The following MTUS2 variants were observed in gnomAD, a reference collection of about 807,000 sequenced individuals.
MTUS2 encodes the protein microtubule-associated tumor suppressor candidate 2.
A neutral mutation model predicts 114.1 loss-of-function variants in MTUS2; 40 were observed. The observed-to-expected ratio is 0.35, with a 90% CI of 0.27 to 0.46. The LOEUF (loss-of-function observed/expected upper bound fraction) is 0.46. Among genes scored for constraint, MTUS2 ranks in the 20% least tolerant of loss-of-function variants. The pLI is 1.00. For missense variants in MTUS2, 1,679 were observed against 1,705.4 expected (o/e 0.98, Z 0.27); for synonymous variants, 688 against 672.0 (o/e 1.02, Z -0.37).
At chr13:29,074,086 A>G (rs1401758055) in intron 4 of MTUS2, among the ~76,000 whole-genome samples, 1 of 151,982 alleles carries the variant, frequency 6.6e-6, no homozygotes, top group Non-Finnish European at 1.5e-5. Flanking sequence ...TCTCCAGCCC[A>G]TCTTCCACAT....
intron 7 of MTUS2, among the ~76,000 whole-genome samples, chr13:29,344,197 C>G (rs902506308): frequency 2.3e-4 from 35 of 151,346 alleles, no homozygotes; most frequent in Admixed American, 2.2e-3. Context: ...GTCCATTGTG[C>G]CTTTGTTGAC....
At chr13:29,385,056 G>C (rs1872541424) in intron 8 of MTUS2, among the ~76,000 whole-genome samples, 1 of 152,198 alleles carries the variant, frequency 6.6e-6, no homozygotes, top group Non-Finnish European at 1.5e-5. Context: ...CAGCCACTCT[G>C]CTGGGCTCCA....
chr13:29,315,099 T>C (rs754986979), intron 6 of MTUS2, among the ~76,000 whole-genome samples: 1 of 152,198 alleles, frequency 6.6e-6, no homozygotes, highest in Non-Finnish European at 1.5e-5. Flanking sequence ...ATGTTCTCAC[T>C]TATATGTGGA....
rs746176943 is a variant in MTUS2 at position 29,286,668 on chromosome 13, G to GTCTATCTA, written c.2806+4806_2806+4807insATCTATCT. ...TATCTATCTGTCTGTCTGTCTGTCT[G>GTCTATCTA]TCTGTCTATCTATCTATCTATCTAT... On this transcript the variant is annotated intron_variant, in intron 6 of 15. Coordinates refer to ENST00000612955, the MANE Select transcript of MTUS2 (RefSeq NM_001033602.4). Among the ~76,000 whole-genome samples the GTCTATCTA allele has an allele frequency of 1.4e-3, 107 of 79,004 alleles. 1 individual carries two copies. Among genetic ancestry groups the GTCTATCTA allele is most frequent in the East Asian group, 6.6e-3 (11 of 1,662 alleles). 51.8% of individuals were successfully genotyped at this position (79,004 alleles called of 152,430 possible). A position where few individuals can be genotyped will look rare whatever the true frequency, so the allele number is the denominator to read the frequency against.
chr13:28,923,710 T>C (rs182276300), intron 2 of MTUS2, among the ~76,000 whole-genome samples: 127 of 152,288 alleles, frequency 8.3e-4, no homozygotes, highest in African/African-American at 2.8e-3. Context: ...CTTGATGGGA[T>C]AGGGGAGTCT....
At chr13:28,897,180 T>C (rs1879327335) in intron 2 of MTUS2, among the ~76,000 whole-genome samples, 1 of 152,148 alleles carries the variant, frequency 6.6e-6, no homozygotes, top group Non-Finnish European at 1.5e-5. Context: ...ATCCAGAATC[T>C]ACAATGAACT....
At chr13:29,059,921 C>T (rs1366299858) in intron 4 of MTUS2, among the ~76,000 whole-genome samples, 1 of 152,216 alleles carries the variant, frequency 6.6e-6, no homozygotes, top group African/African-American at 2.4e-5. Flanking sequence ...CTGTGCCTGC[C>T]AGCTGAGTTT....
intron 5 of MTUS2, among the ~76,000 whole-genome samples, chr13:29,130,584 T>G (rs772746047): frequency 5.9e-5 from 9 of 152,216 alleles, no homozygotes; most frequent in African/African-American, 1.9e-4. Flanking sequence ...TCTAGCACAC[T>G]TATTCATTAT....
At chr13:29,375,436 AATTACTTACTTTTAAT>A in intron 8 of MTUS2, among the ~76,000 whole-genome samples, 1 of 137,978 alleles carries the variant, frequency 7.2e-6, no homozygotes, top group South Asian at 2.4e-4. Flanking sequence ...CAAAAACCGC[AATTACTTACTTTTAAT>A]GGCAACAACC....
At position 29,503,254 on chromosome 13, in the gene MTUS2, C is replaced by T; in HGVS notation, c.*48C>T. ...GCTCCGGCTTCTCGTCCTCCGGTCT[C>T]CACCCTGAGGGAGCACCGACCCGGT... is the stretch of plus-strand genomic sequence containing the variant. On this transcript the variant is annotated 3_prime_UTR_variant, in exon 16 of 16. Transcript: ENST00000612955. 3.1e-6 allele frequency: 5 copies of T among 1,596,742 alleles called. No individual in the cohort carries two copies. Among genetic ancestry groups the T allele is most frequent in the Non-Finnish European group, 4.3e-6 (5 of 1,169,744 alleles).
At chr13:29,005,738 C>G (rs550733524) in intron 2 of MTUS2, among the ~76,000 whole-genome samples, 2 of 152,296 alleles carry the variant, frequency 1.3e-5, no homozygotes, top group African/African-American at 4.8e-5. Flanking sequence ...GAATATCTTG[C>G]AAACCTGCTT....
chr13:28,895,736 C>T (rs1371767889), intron 2 of MTUS2, among the ~76,000 whole-genome samples: 1 of 152,130 alleles, frequency 6.6e-6, no homozygotes, highest in Non-Finnish European at 1.5e-5. Context: ...CAGTAGCCCT[C>T]CACTGTTGGA....
At chr13:29,231,033 A>G (rs1223783169) in intron 5 of MTUS2, among the ~76,000 whole-genome samples, 1 of 152,176 alleles carries the variant, frequency 6.6e-6, no homozygotes, top group Admixed American at 6.5e-5. Context: ...CATGTTGTAC[A>G]TCTGATCCAT....
intron 4 of MTUS2, among the ~76,000 whole-genome samples, chr13:29,052,788 C>G (rs552663543): frequency 5.9e-5 from 9 of 152,118 alleles, no homozygotes; most frequent in African/African-American, 2.2e-4. Flanking sequence ...GTGCTGTATC[C>G]CCACCCAAAT....
chr13:29,502,042 A>C (rs1882949746), intron 15 of MTUS2, among the ~76,000 whole-genome samples: 1 of 152,188 alleles, frequency 6.6e-6, no homozygotes. Context: ...TCTTGCACAC[A>C]TGCATGAATG....
chr13:28,861,480 C>A (rs1050628965), intron 2 of MTUS2, among the ~76,000 whole-genome samples: 17 of 150,424 alleles, frequency 1.1e-4, no homozygotes, highest in African/African-American at 4.2e-4. Flanking sequence ...TAACATAGCC[C>A]AGGGATTGTC....
chr13:29,134,573 A>G (rs1891896156), intron 5 of MTUS2, among the ~76,000 whole-genome samples: 1 of 152,052 alleles, frequency 6.6e-6, no homozygotes, highest in Non-Finnish European at 1.5e-5. Flanking sequence ...TATAATTGTT[A>G]TATATATCTT....
rs145198394 is a variant in MTUS2 at position 28,982,400 on chromosome 13, A to C, written c.-242-42057A>C. On this transcript the variant is annotated intron_variant, in intron 2 of 15. Transcript: ENST00000612955. ...GATGAGAATGTGGAGAAATGGAAACAGTTGTGCACCATTGGTAGGAATGTA... is the reference window on the plus strand; with the variant it reads ...GATGAGAATGTGGAGAAATGGAAACCGTTGTGCACCATTGGTAGGAATGTA... 9.6e-3 allele frequency among the ~76,000 whole-genome samples: 1,463 copies of C among 152,314 alleles called. 18 individuals are homozygous for C. The highest frequency in any genetic ancestry group is 0.014 in the South Asian group (68 of 4,828).
intron 12 of MTUS2, among the ~76,000 whole-genome samples, chr13:29,495,914 A>ATGTGTGTGTG (rs59958046): frequency 2.4e-4 from 36 of 148,320 alleles, no homozygotes; most frequent in African/African-American, 7.9e-4. Context: ...CTCTCTTTAT[A>ATGTGTGTGTG]TGTGTGTGTG....
Sources: gnomAD v4.1 joint callset for allele counts (sites outside exome capture counted in the v4.1 genomes callset) on GRCh38, gnomAD v4.1.1 for gene constraint, MANE v1.5 for transcripts, NCBI Gene and HGNC (gene_info 2026-07-23, HGNC 2026-07-21) for gene names.